The following CAPN3 variants were observed in gnomAD, a reference collection of about 807,000 sequenced individuals.
The protein encoded by CAPN3 is calpain-3.
CAPN3 carries 88 observed loss-of-function variants against 114.0 expected under a neutral mutation model. That is an observed-to-expected ratio of 0.77 (90% CI 0.65 to 0.92). CAPN3 has a LOEUF of 0.92. Among genes scored for constraint, CAPN3 ranks in the 40% least tolerant of loss-of-function variants. The pLI is 0.00. For missense variants in CAPN3, 1,028 were observed against 1,069.0 expected (o/e 0.96, Z 0.53); for synonymous variants, 386 against 382.9 (o/e 1.01, Z -0.09).
rs770529441 is a variant in CAPN3, at chr15:42,409,373, CAGG to C, written c.1988_1990del (p.Gly663del). ...TTCCGGAACATTTTCAAGCAGATAG[CAGG>C]AGATGTGAGTACCTCCAAGCCCAGG... On this transcript the variant is annotated inframe_deletion, in exon 17 of 24. Coordinates refer to ENST00000397163, the MANE Select transcript of CAPN3 (RefSeq NM_000070.3). The C allele has an allele frequency of 2.7e-5, 44 of 1,613,922 alleles. No homozygotes were observed. The highest frequency in any genetic ancestry group is 8.0e-5 in the African/African-American group (6 of 74,928).
intron 1 of CAPN3, among the ~76,000 whole-genome samples, chr15:42,376,088 CAG>C (rs2053083151): frequency 1.3e-5 from 2 of 152,300 alleles, no homozygotes; most frequent in East Asian, 1.9e-4. Context: ...AGGAAGACCA[CAG>C]GGTAAAGTGC....
intron 1 of CAPN3, among the ~76,000 whole-genome samples, chr15:42,372,438 T>G (rs1398090642): frequency 6.6e-6 from 1 of 152,200 alleles, no homozygotes; most frequent in Non-Finnish European, 1.5e-5. Context: ...GGATCACAGG[T>G]GTGAACCACT....
At chr15:42,397,006 G>GC in intron 9 of CAPN3, 129 bp downstream of exon 9, 2 of 727,556 alleles carry the variant, frequency 2.7e-6, no homozygotes, top group Admixed American at 4.2e-5. Flanking sequence ...TTCTCCTCCA[G>GC]CCCAAGGCCC....
At chr15:42,366,631 G>C (rs927188439) in intron 1 of CAPN3, among the ~76,000 whole-genome samples, 1 of 152,054 alleles carries the variant, frequency 6.6e-6, no homozygotes, top group African/African-American at 2.4e-5. Flanking sequence ...AATAATCTCT[G>C]GGGTGGGGGA....
At chr15:42,397,674 A>G (rs2053739453) in intron 9 of CAPN3, among the ~76,000 whole-genome samples, 1 of 151,942 alleles carries the variant, frequency 6.6e-6, no homozygotes, top group Admixed American at 6.6e-5. Context: ...GTCTTAGTAT[A>G]ATGTCAAGGG....
At chr15:42,385,666 C>G (rs771594933) in intron 2 of CAPN3, 7 of 519,276 alleles carry the variant, frequency 1.3e-5, no homozygotes, top group Admixed American at 3.9e-5. Context: ...CAATGTCTTA[C>G]TGCCCCCTAT....
rs373194123 is a variant in CAPN3 at position 42,405,948 on chromosome 15, G to A, written c.1800+5G>A. On this transcript the variant is annotated splice_donor_5th_base_variant and intron_variant, in intron 15 of 23. Coordinates refer to ENST00000397163, the MANE Select transcript of CAPN3 (RefSeq NM_000070.3). ...CAGAAAAAGAAAAAAACCAAGGTAG[G>A]TGTGTGGGTAGAGAGCATGAAGTGT... The A allele has an allele frequency of 4.3e-6, 7 of 1,611,632 alleles. No homozygotes were observed. In the African/African-American group the frequency reaches 5.3e-5, roughly 12 times the overall value.
At chr15:42,371,839 C>T (rs2052956704) in intron 1 of CAPN3, among the ~76,000 whole-genome samples, 1 of 151,918 alleles carries the variant, frequency 6.6e-6, no homozygotes. Flanking sequence ...TGGCGGGAGC[C>T]TGTAATCCCA....
intron 1 of CAPN3, among the ~76,000 whole-genome samples, chr15:42,362,216 C>T (rs970462090): frequency 3.3e-5 from 5 of 152,114 alleles, no homozygotes; most frequent in African/African-American, 1.2e-4. Flanking sequence ...GAGTTGGAGA[C>T]CAGCCTGGGC....
chr15:42,371,221 G>A (rs2141125938), intron 1 of CAPN3, among the ~76,000 whole-genome samples: 1 of 152,216 alleles, frequency 6.6e-6, no homozygotes, highest in Admixed American at 6.5e-5. Context: ...TGGGGAAGGT[G>A]CATATGTTTC....
intron 1 of CAPN3, among the ~76,000 whole-genome samples, chr15:42,364,677 C>T (rs2052733705): frequency 6.6e-6 from 1 of 152,176 alleles, no homozygotes; most frequent in Non-Finnish European, 1.5e-5. Context: ...CTGAGTGTAT[C>T]ATAGAGCCAG....
rs2053253923 is a variant in CAPN3 at position 42,381,656 on chromosome 15, C to T, written c.310-2827C>T. 2.0e-5 allele frequency among the ~76,000 whole-genome samples: 3 copies of T among 152,182 alleles called. No homozygotes were observed. In the South Asian group the frequency reaches 6.2e-4, roughly 32 times the overall value. ...TCAGGCTCAAGCAATTCTCCTGCCT[C>T]AGCCTCCCGAGTAGCTGGGACTACA... is the stretch of plus-strand genomic sequence containing the variant. On this transcript the variant is annotated intron_variant, in intron 1 of 23. Coordinates refer to ENST00000397163, the MANE Select transcript of CAPN3 (RefSeq NM_000070.3).
At chr15:42,362,733 T>C (rs2052677420) in intron 1 of CAPN3, among the ~76,000 whole-genome samples, 1 of 152,248 alleles carries the variant, frequency 6.6e-6, no homozygotes, top group Admixed American at 6.5e-5. Flanking sequence ...GCAAATGACT[T>C]ATCTACAGCC....
At chr15:42,394,558 A>G (rs901344129) in intron 8 of CAPN3, among the ~76,000 whole-genome samples, 11 of 152,174 alleles carry the variant, frequency 7.2e-5, no homozygotes, top group African/African-American at 2.4e-4. Context: ...GCTGACAACC[A>G]TTGGCTGGAA....
At chr15:42,367,082 T>C (rs1173460141) in intron 1 of CAPN3, among the ~76,000 whole-genome samples, 2 of 152,118 alleles carry the variant, frequency 1.3e-5, no homozygotes, top group Non-Finnish European at 2.9e-5. Context: ...ATCCACCGCC[T>C]CAGCCTCCCA....
intron 1 of CAPN3, among the ~76,000 whole-genome samples, chr15:42,369,500 A>G (rs76812490): frequency 0.052 from 7,968 of 152,112 alleles, 644 homozygotes; most frequent in African/African-American, 0.17. Context: ...AGACCATCTC[A>G]AAAAGAAGAA....
intron 15 of CAPN3, among the ~76,000 whole-genome samples, chr15:42,407,896 G>C (rs1595843877): frequency 6.6e-6 from 1 of 151,020 alleles, no homozygotes; most frequent in African/African-American, 2.4e-5. Context: ...GTTTCCATCT[G>C]GAAAAAAAAA....
At chr15:42,410,143 T>C in intron 19 of CAPN3, 148 bp downstream of exon 19, 1 of 803,376 alleles carries the variant, frequency 1.2e-6, no homozygotes, top group Non-Finnish European at 2.2e-6. Context: ...TGGATACTCG[T>C]CTGAAAGGGG....
chr15:42,383,741 T>G (rs1226991130), intron 1 of CAPN3, among the ~76,000 whole-genome samples: 1 of 151,856 alleles, frequency 6.6e-6, no homozygotes, highest in Non-Finnish European at 1.5e-5. Context: ...CCTGGCTAAT[T>G]TTTGTATTTT....
Sources: gnomAD v4.1 joint callset for allele counts (sites outside exome capture counted in the v4.1 genomes callset) on GRCh38, gnomAD v4.1.1 for gene constraint, MANE v1.5 for transcripts, NCBI Gene and HGNC (gene_info 2026-07-23, HGNC 2026-07-21) for gene names.